The following NCALD variants were observed in gnomAD, a reference collection of about 807,000 sequenced individuals.
NCALD encodes neurocalcin-delta.
A neutral mutation model predicts 18.6 loss-of-function variants in NCALD; 10 were observed. That is an observed-to-expected ratio of 0.54 (90% CI 0.33 to 0.91). The LOEUF is 0.91. Ranked by LOEUF, NCALD falls within the 40% of genes least tolerant of loss-of-function variation. NCALD has a pLI of 0.03. For synonymous variants in NCALD, 88 were observed against 87.4 expected, an observed-to-expected ratio of 1.01 and a Z score of -0.04; for missense variants, 184 against 247.6, an observed-to-expected ratio of 0.74 and a Z score of 1.72.
chr8:101,938,841 C>A (rs1818854500), intron 2 of NCALD, among the ~76,000 whole-genome samples: 1 of 152,234 alleles, frequency 6.6e-6, no homozygotes. Context: ...TGATCACCAG[C>A]ATCTGTCTGG....
chr8:101,822,611 T>C (rs186324012), intron 4 of NCALD, among the ~76,000 whole-genome samples: 1 of 152,208 alleles, frequency 6.6e-6, no homozygotes, highest in South Asian at 2.1e-4. Context: ...CTGGTAGTGG[T>C]GGCAGCCAGC....
intron 1 of NCALD, among the ~76,000 whole-genome samples, chr8:101,746,813 C>A (rs1046212084): frequency 2.6e-5 from 4 of 151,722 alleles, no homozygotes; most frequent in Non-Finnish European, 5.9e-5. Flanking sequence ...TAATGATGAC[C>A]TTATCGTTAG....
At chr8:101,821,937 C>G (rs959662610) in intron 4 of NCALD, among the ~76,000 whole-genome samples, 4 of 150,936 alleles carry the variant, frequency 2.7e-5, no homozygotes, top group Non-Finnish European at 5.9e-5. Flanking sequence ...ACCAGGCCCC[C>G]ACATGCTGGC....
intron 2 of NCALD, among the ~76,000 whole-genome samples, chr8:101,962,230 T>C (rs971694728): frequency 2.0e-5 from 3 of 152,212 alleles, no homozygotes; most frequent in African/African-American, 4.8e-5. Flanking sequence ...AACAATGCAA[T>C]GTGTCTTATA....
chr8:101,963,791 T>C (rs1819922674), intron 2 of NCALD, among the ~76,000 whole-genome samples: 1 of 152,106 alleles, frequency 6.6e-6, no homozygotes, highest in South Asian at 2.1e-4. Context: ...CTATCAGCCC[T>C]GCAATCTCAG....
In NCALD at chr8:102,100,373, A is replaced by T. The variant is rs551531199; in HGVS notation, c.-210+23864T>A. ...ATTAAATCTTGAAAATCCCACAGCA[A>T]CTACTTTTAACAATTTTAAAGAATC... On this transcript the variant is annotated intron_variant, in intron 1 of 6. Coordinates refer to the NCALD transcript ENST00000311028. Among the ~76,000 whole-genome samples, 78 of 152,332 alleles carry T rather than the reference A, an allele frequency of 5.1e-4. No homozygotes were observed. In the South Asian group the frequency reaches 8.3e-3, roughly 16 times the overall value.
At chr8:101,744,622 C>T (rs1810351161) in intron 1 of NCALD, among the ~76,000 whole-genome samples, 1 of 152,164 alleles carries the variant, frequency 6.6e-6, no homozygotes, top group Non-Finnish European at 1.5e-5. Flanking sequence ...CATATATCTT[C>T]ATTGTCAAGA....
At chr8:102,013,756 A>G (rs1821986463) in intron 2 of NCALD, among the ~76,000 whole-genome samples, 1 of 152,222 alleles carries the variant, frequency 6.6e-6, no homozygotes, top group Admixed American at 6.5e-5. Context: ...GAGTCCAAAA[A>G]CAAAAGGAAA....
intron 4 of NCALD, among the ~76,000 whole-genome samples, chr8:101,860,585 A>T (rs1010760570): frequency 1.3e-5 from 2 of 152,192 alleles, no homozygotes; most frequent in African/African-American, 4.8e-5. Context: ...ACAAGAAAGG[A>T]AATGTAATCA....
At chr8:101,759,555 G>T (rs1295752169) in intron 1 of NCALD, among the ~76,000 whole-genome samples, 1 of 152,158 alleles carries the variant, frequency 6.6e-6, no homozygotes, top group Admixed American at 6.5e-5. Flanking sequence ...GTATCCCAGG[G>T]ACCTGCCTGC....
chr8:101,785,138 T>C (rs1812172805), intron 1 of NCALD, among the ~76,000 whole-genome samples: 1 of 152,224 alleles, frequency 6.6e-6, no homozygotes, highest in Non-Finnish European at 1.5e-5. Context: ...TGTGCCTCAA[T>C]TTCCTCATTT....
At chr8:101,790,495 T>C (rs1020504517) in intron 1 of NCALD, among the ~76,000 whole-genome samples, 1 of 152,190 alleles carries the variant, frequency 6.6e-6, no homozygotes, top group Non-Finnish European at 1.5e-5. Context: ...AAAGAAAAGT[T>C]AGAAACACAT....
chr8:102,079,869 T>C (rs1400035017), intron 1 of NCALD, among the ~76,000 whole-genome samples: 1 of 152,228 alleles, frequency 6.6e-6, no homozygotes, highest in African/African-American at 2.4e-5. Context: ...CGTAAAGTCA[T>C]ATTTCAGGAA....
intron 1 of NCALD, among the ~76,000 whole-genome samples, chr8:101,775,312 C>A (rs1199026827): frequency 6.6e-6 from 1 of 152,156 alleles, no homozygotes; most frequent in Non-Finnish European, 1.5e-5. Flanking sequence ...ATGTTATGTG[C>A]CAACCGCACA....
chr8:101,822,412 G>T (rs57434654), intron 4 of NCALD, among the ~76,000 whole-genome samples: 2,986 of 152,182 alleles, frequency 0.02, 103 homozygotes, highest in African/African-American at 0.067. Flanking sequence ...TTGCCTGTTT[G>T]GTTTCAATTC....
At chr8:101,747,249 T>C (rs1586385937) in intron 1 of NCALD, among the ~76,000 whole-genome samples, 1 of 152,274 alleles carries the variant, frequency 6.6e-6, no homozygotes, top group East Asian at 1.9e-4. Context: ...CCAATGATAG[T>C]GGTTGCATCT....
chr8:101,946,953 C>A (rs1193412005), intron 2 of NCALD, among the ~76,000 whole-genome samples: 2 of 151,880 alleles, frequency 1.3e-5, no homozygotes, highest in Non-Finnish European at 1.5e-5. Context: ...TAAAGTTGAG[C>A]AAATTTTCCA....
Position 101,761,088 on chromosome 8 carries a change from G to A in NCALD, c.-20+29774C>T, listed in dbSNP as rs531460316. Among the ~76,000 whole-genome samples the A allele has an allele frequency of 2.0e-5, 3 of 152,170 alleles. No individual in the cohort carries two copies. The East Asian group carries it at 5.8e-4, about 29-fold the overall frequency. On this transcript the variant is annotated intron_variant, in intron 1 of 3. Coordinates refer to ENST00000220931, the MANE Select transcript of NCALD (RefSeq NM_032041.3). ...TTCCTCCAGCAGGATCCGTTTCCATGTCCTTATGGACTAGAGAGAACAATT... is the reference window on the plus strand; with the variant it reads ...TTCCTCCAGCAGGATCCGTTTCCATATCCTTATGGACTAGAGAGAACAATT...
intron 4 of NCALD, among the ~76,000 whole-genome samples, chr8:101,856,165 TGTTTG>T (rs1440144341): frequency 9.2e-5 from 14 of 152,148 alleles, no homozygotes; most frequent in African/African-American, 2.4e-4. Context: ...TGTTTATTTT[TGTTTG>T]GTTTGGTTTG....
Sources: gnomAD v4.1 joint callset for allele counts (sites outside exome capture counted in the v4.1 genomes callset) on GRCh38, gnomAD v4.1.1 for gene constraint, MANE v1.5 for transcripts, NCBI Gene and HGNC (gene_info 2026-07-23, HGNC 2026-07-21) for gene names.